The following GLG1 variants were observed in gnomAD, a reference collection of about 807,000 sequenced individuals.
GLG1 encodes the protein Golgi apparatus protein 1.
A neutral mutation model predicts 160.5 loss-of-function variants in GLG1; 38 were observed. That is an observed-to-expected ratio of 0.24 (90% CI 0.18 to 0.31). GLG1 has a LOEUF of 0.31. Among genes scored for constraint, GLG1 ranks in the 10% least tolerant of loss-of-function variants. The pLI is 1.00. For synonymous variants in GLG1, 644 were observed against 543.4 expected, an observed-to-expected ratio of 1.19 and a Z score of -2.57; for missense variants, 1,373 against 1,505.2, an observed-to-expected ratio of 0.91 and a Z score of 1.45.
At chr16:74,458,040 G>C (rs757262402) in intron 23 of GLG1, 46 bp from the exon 24 acceptor site, 2 of 1,596,168 alleles carry the variant, frequency 1.3e-6, no homozygotes, top group African/African-American at 2.7e-5. Context: ...AAGGGGAAAT[G>C]CATCAGATCT....
chr16:74,538,906 G>C (rs2017758579), intron 1 of GLG1, among the ~76,000 whole-genome samples: 2 of 151,376 alleles, frequency 1.3e-5, no homozygotes, highest in Non-Finnish European at 2.9e-5. Flanking sequence ...AATAAAGTCA[G>C]TCAGAGAAAG....
chr16:74,521,164 G>C (rs2017151028), intron 2 of GLG1, among the ~76,000 whole-genome samples: 1 of 152,194 alleles, frequency 6.6e-6, no homozygotes, highest in African/African-American at 2.4e-5. Context: ...AGAATAGCAA[G>C]GAGGACACTG....
chr16:74,583,016 A>G (rs1440988143), intron 1 of GLG1, among the ~76,000 whole-genome samples: 1 of 152,022 alleles, frequency 6.6e-6, no homozygotes, highest in Non-Finnish European at 1.5e-5. Flanking sequence ...TCTCACAACT[A>G]AAATTTCCCT....
chr16:74,596,562 G>T (rs1958308129), intron 1 of GLG1, among the ~76,000 whole-genome samples: 1 of 152,110 alleles, frequency 6.6e-6, no homozygotes, highest in East Asian at 1.9e-4. Flanking sequence ...CATCCTTTTG[G>T]TACTAAATCT....
At chr16:74,465,434 G>C (rs754437185) in intron 19 of GLG1, among the ~76,000 whole-genome samples, 1 of 152,072 alleles carries the variant, frequency 6.6e-6, no homozygotes, top group Admixed American at 6.6e-5. Flanking sequence ...CCAAACTTGA[G>C]CCTGCATCAG....
intron 13 of GLG1, among the ~76,000 whole-genome samples, chr16:74,473,751 T>C (rs114430630): frequency 0.011 from 1,674 of 152,190 alleles, 33 homozygotes; most frequent in African/African-American, 0.038. Flanking sequence ...TAATCCCATT[T>C]TTAAAATATT....
chr16:74,488,450 T>A (rs1369409732), intron 8 of GLG1, among the ~76,000 whole-genome samples: 2 of 152,046 alleles, frequency 1.3e-5, no homozygotes, highest in Non-Finnish European at 2.9e-5. Flanking sequence ...ATTCGTCAAT[T>A]TGACTGGGGA....
chr16:74,454,563 G>C (rs1413962565), intron 25 of GLG1, among the ~76,000 whole-genome samples: 2 of 150,190 alleles, frequency 1.3e-5, no homozygotes, highest in African/African-American at 4.9e-5. Flanking sequence ...CTACTGGGGA[G>C]GCTGAGGCAG....
intron 24 of GLG1, among the ~76,000 whole-genome samples, chr16:74,457,231 C>T (rs1264459422): frequency 6.6e-6 from 1 of 152,062 alleles, no homozygotes; most frequent in Admixed American, 6.6e-5. Flanking sequence ...CCTGTCTGTA[C>T]TTAAAAAATA....
intron 4 of GLG1, among the ~76,000 whole-genome samples, chr16:74,502,958 G>A (rs2016464263): frequency 6.6e-6 from 1 of 151,622 alleles, no homozygotes; most frequent in African/African-American, 2.4e-5. Flanking sequence ...TGTAATCCCA[G>A]CACTTTCGGA....
chr16:74,558,331 A>C (rs1175258232), intron 1 of GLG1, among the ~76,000 whole-genome samples: 2 of 152,236 alleles, frequency 1.3e-5, no homozygotes, highest in East Asian at 1.9e-4. Context: ...CAGCAAAAAG[A>C]AGCATCTCAA....
intron 2 of GLG1, among the ~76,000 whole-genome samples, chr16:74,520,748 C>CTT (rs1477370554): frequency 6.6e-6 from 1 of 152,198 alleles, no homozygotes; most frequent in Non-Finnish European, 1.5e-5. Flanking sequence ...TCGGTAAGCA[C>CTT]TTGTCCACTG....
intron 14 of GLG1, among the ~76,000 whole-genome samples, chr16:74,471,490 GTA>G (rs2015206840): frequency 6.6e-6 from 1 of 152,094 alleles, no homozygotes; most frequent in Admixed American, 6.6e-5. Context: ...ACTGTGTTCC[GTA>G]TAAGACATGA....
chr16:74,461,336 GT>G (rs879459376), intron 22 of GLG1, among the ~76,000 whole-genome samples: 100 of 140,222 alleles, frequency 7.1e-4, no homozygotes, highest in Non-Finnish European at 5.8e-4. Context: ...CCGGGCTAAT[GT>G]TTTTTTTTTT....
intron 4 of GLG1, among the ~76,000 whole-genome samples, chr16:74,502,733 T>G (rs1342910013): frequency 1.4e-4 from 20 of 141,912 alleles, no homozygotes; most frequent in South Asian, 2.2e-4. Context: ...TTTTTTTTTT[T>G]TTTTTTTTTT....
At chr16:74,496,714 A>ACACACACG in intron 4 of GLG1, 70 bp from the exon 5 acceptor site, 1 of 215,810 alleles carries the variant, frequency 4.6e-6, no homozygotes, top group Non-Finnish European at 7.5e-6. Context: ...ACATTTGGCT[A>ACACACACG]CACACACACA....
At chr16:74,599,647 G>A (rs566022165) in intron 1 of GLG1, among the ~76,000 whole-genome samples, 2 of 152,236 alleles carry the variant, frequency 1.3e-5, no homozygotes, top group East Asian at 1.9e-4. Flanking sequence ...GGCAGATCAC[G>A]AGGTCAGGAG....
chr16:74,511,331 G>A (rs1005397193), intron 2 of GLG1, among the ~76,000 whole-genome samples: 2 of 152,112 alleles, frequency 1.3e-5, no homozygotes, highest in Middle Eastern at 3.4e-3. Context: ...ATGAGTAAAA[G>A]CTCTCATCTC....
chr16:74,553,469 G>T (rs1272852726), intron 1 of GLG1, among the ~76,000 whole-genome samples: 12 of 106,080 alleles, frequency 1.1e-4, no homozygotes, highest in East Asian at 5.9e-4. Context: ...TTTTGTTTCG[G>T]TTTTTTTTTT....
Sources: allele counts gnomAD v4.1 joint callset (sites outside exome capture counted in the v4.1 genomes callset), GRCh38; gene constraint gnomAD v4.1.1; transcripts MANE v1.5; gene names NCBI Gene and HGNC (gene_info 2026-07-23, HGNC 2026-07-21).